MAP4K3: variants seen among roughly 807,000 people sequenced by gnomAD.
The protein encoded by MAP4K3 is mitogen-activated protein kinase kinase kinase kinase 3, also known as MAPK/ERK kinase kinase kinase 3.
Under a neutral mutation model 143.5 loss-of-function variants are expected in MAP4K3, and 94 were observed. The ratio of observed to expected loss-of-function variants is 0.65; its 90% CI spans 0.55 to 0.78. The LOEUF (loss-of-function observed/expected upper bound fraction) is 0.78. MAP4K3 is among the 30% of genes least tolerant of loss of function. The probability of loss-of-function intolerance (pLI) is 0.00; values close to 1 mark genes in which losing one functional copy is unlikely to be tolerated. For synonymous variants in MAP4K3, 416 were observed against 347.2 expected, an observed-to-expected ratio of 1.20 and a Z score of -2.20; for missense variants, 1,077 against 1,068.1, an observed-to-expected ratio of 1.01 and a Z score of -0.12.
At chr2:39,338,071 G>A (rs1665025518) in intron 4 of MAP4K3, among the ~76,000 whole-genome samples, 1 of 151,860 alleles carries the variant, frequency 6.6e-6, no homozygotes, top group African/African-American at 2.4e-5. Context: ...CCAATTTTTT[G>A]CTTTTTAAAA....
At chr2:39,388,931 T>C (rs550839871) in intron 1 of MAP4K3, among the ~76,000 whole-genome samples, 1 of 151,796 alleles carries the variant, frequency 6.6e-6, no homozygotes, top group East Asian at 1.9e-4. Flanking sequence ...AACAAAATTA[T>C]CAAGCATAAA....
intron 1 of MAP4K3, among the ~76,000 whole-genome samples, chr2:39,400,445 C>T (rs938883283): frequency 6.6e-6 from 1 of 152,070 alleles, no homozygotes; most frequent in African/African-American, 2.4e-5. Flanking sequence ...TCTTTTATTT[C>T]TTGGGTGTTC....
chr2:39,275,639 A>T (rs1230675109), intron 24 of MAP4K3, among the ~76,000 whole-genome samples: 1 of 152,106 alleles, frequency 6.6e-6, no homozygotes, highest in Non-Finnish European at 1.5e-5. Flanking sequence ...CCACCTTTGA[A>T]TTATTTACTA....
At chr2:39,297,536 TA>T (rs1168107109) in intron 16 of MAP4K3, among the ~76,000 whole-genome samples, 1 of 152,162 alleles carries the variant, frequency 6.6e-6, no homozygotes, top group African/African-American at 2.4e-5. Flanking sequence ...TCAAAGTACA[TA>T]TGCTTCCTGT....
chr2:39,258,563 T>G lies in MAP4K3; in HGVS notation c.2333A>C (p.His778Pro). The G allele has an allele frequency of 6.2e-7, 1 of 1,613,688 alleles. No homozygotes were observed. The highest frequency in any genetic ancestry group is 8.5e-7 in the Non-Finnish European group (1 of 1,179,574). Residue 778 changes from histidine to proline, a missense_variant, in exon 30 of 34, where the codon CAT becomes CCT. His to Pro is a moderately conservative substitution (Grantham distance 77). Transcript: ENST00000263881. ...GGTATCTCTCTCCAGTTGGGTTACATGAGTAACATTTGTCTGTGGGGTATC... is the reference window on the plus strand; with the variant it reads ...GGTATCTCTCTCCAGTTGGGTTACAGGAGTAACATTTGTCTGTGGGGTATC... ...ESDTPQTNVT[H>P]VTQLERDTIL...
At chr2:39,426,419 A>G (rs907000638) in intron 1 of MAP4K3, among the ~76,000 whole-genome samples, 2 of 152,162 alleles carry the variant, frequency 1.3e-5, no homozygotes, top group African/African-American at 4.8e-5. Flanking sequence ...TAAGGTCTGT[A>G]GATCAAATAA....
chr2:39,327,439 T>A (rs1007297887), intron 8 of MAP4K3, among the ~76,000 whole-genome samples: 6 of 152,220 alleles, frequency 3.9e-5, no homozygotes, highest in Non-Finnish European at 7.3e-5. Flanking sequence ...CTTCCATAAA[T>A]TTGAATTTGA....
intron 3 of MAP4K3, among the ~76,000 whole-genome samples, chr2:39,355,057 C>T (rs936482655): frequency 2.6e-5 from 4 of 151,998 alleles, no homozygotes; most frequent in Non-Finnish European, 4.4e-5. Flanking sequence ...GTGAGATCCC[C>T]GTCTCTATAA....
intron 18 of MAP4K3, among the ~76,000 whole-genome samples, chr2:39,292,525 G>C (rs926782279): frequency 6.6e-6 from 1 of 152,150 alleles, no homozygotes; most frequent in South Asian, 2.1e-4. Context: ...AAGTTGGTTG[G>C]TACCTTGATC....
At chr2:39,414,767 C>T (rs1377910701) in intron 1 of MAP4K3, among the ~76,000 whole-genome samples, 2 of 151,780 alleles carry the variant, frequency 1.3e-5, no homozygotes, top group Admixed American at 6.6e-5. Flanking sequence ...CCCAGCTACT[C>T]GGGGGGTGCT....
chr2:39,412,781 T>C (rs946561592), intron 1 of MAP4K3, among the ~76,000 whole-genome samples: 10 of 152,122 alleles, frequency 6.6e-5, no homozygotes, highest in African/African-American at 1.9e-4. Flanking sequence ...TTAACTATTC[T>C]CGTCTTACAA....
chr2:39,401,240 C>T (rs2148607487), intron 1 of MAP4K3, among the ~76,000 whole-genome samples: 1 of 152,170 alleles, frequency 6.6e-6, no homozygotes. Flanking sequence ...CCATCTTCAT[C>T]TCAAAATTTC....
At chr2:39,407,317 T>A (rs1269674268) in intron 1 of MAP4K3, among the ~76,000 whole-genome samples, 1 of 150,462 alleles carries the variant, frequency 6.6e-6, no homozygotes, top group Non-Finnish European at 1.5e-5. Flanking sequence ...AAGGGAAGAA[T>A]GTCTGCTCTC....
At chr2:39,404,198 G>C (rs907909176) in intron 1 of MAP4K3, among the ~76,000 whole-genome samples, 6 of 152,096 alleles carry the variant, frequency 3.9e-5, no homozygotes, top group Admixed American at 6.5e-5. Context: ...GAAAAGCAGA[G>C]AGAAGAGTAA....
At chr2:39,344,498 C>T (rs889296453) in intron 3 of MAP4K3, among the ~76,000 whole-genome samples, 1 of 152,174 alleles carries the variant, frequency 6.6e-6, no homozygotes, top group Non-Finnish European at 1.5e-5. Context: ...CACAGTCATA[C>T]TCATTTATTT....
chr2:39,266,258 A>T (rs1239512412), intron 27 of MAP4K3, among the ~76,000 whole-genome samples: 2 of 152,254 alleles, frequency 1.3e-5, no homozygotes, highest in Non-Finnish European at 2.9e-5. Flanking sequence ...CCCTTCTGCC[A>T]GTCTTTTGGG....
At chr2:39,293,149 A>C in intron 17 of MAP4K3, 81 bp downstream of exon 17, 1 of 981,160 alleles carries the variant, frequency 1.0e-6, no homozygotes, top group Non-Finnish European at 1.5e-6. Context: ...GCAAACAAAT[A>C]GGCTACATAA....
intron 1 of MAP4K3, among the ~76,000 whole-genome samples, chr2:39,428,309 GAGTT>G (rs1665161853): frequency 6.6e-6 from 1 of 152,156 alleles, no homozygotes; most frequent in African/African-American, 2.4e-5. Context: ...CAAAAGCTGT[GAGTT>G]TTGCAAAATA....
At position 39,278,485 on chromosome 2, in the gene MAP4K3, A is replaced by C. The variant is rs2148462609; in HGVS notation, c.1716T>G (p.Asp572Glu). ...CTTCGGCACCAAATATCAAGTACTGATCTGAAATAAAAGTAATTCACTGAC... is the reference window on the plus strand; with the variant it reads ...CTTCGGCACCAAATATCAAGTACTGCTCTGAAATAAAAGTAATTCACTGAC... ...ASSWINPDTR[D>E]QYLIFGAEEG... Residue 572 changes from aspartate (D) to glutamate (E), a missense_variant and splice_region_variant, in exon 24 of 34, where the codon GAT becomes GAG. Transcript: ENST00000263881. 1 of 1,559,140 alleles carries C rather than the reference A, an allele frequency of 6.4e-7. No individual in the cohort carries two copies. The highest frequency in any genetic ancestry group is 2.3e-5 in the East Asian group (1 of 44,428).
Sources: allele counts gnomAD v4.1 joint callset (sites outside exome capture counted in the v4.1 genomes callset), GRCh38; gene constraint gnomAD v4.1.1; transcripts MANE v1.5; gene names NCBI Gene and HGNC (gene_info 2026-07-23, HGNC 2026-07-21).